The following ZNF571 variants were observed in gnomAD, a reference collection of about 807,000 sequenced individuals.
ZNF571 encodes the protein zinc finger protein 571.
ZNF571 carries 4 observed loss-of-function variants against 7.7 expected under a neutral mutation model. The ratio of observed to expected loss-of-function variants is 0.52; its 90% CI spans 0.25 to 1.18. The LOEUF (loss-of-function observed/expected upper bound fraction) is 1.18, where lower values mean the gene tolerates loss of function less well. ZNF571 is among the 50% of genes most tolerant of loss of function. ZNF571 has a pLI of 0.14. For missense variants in ZNF571, 704 were observed against 726.9 expected (o/e 0.97, Z 0.36); for synonymous variants, 251 against 232.4 (o/e 1.08, Z -0.73).
Position 37,565,404 on chromosome 19 carries a change from T to C in ZNF571, c.1024A>G (p.Lys342Glu). The change falls in exon 4 of 4, where the codon AAA (lysine) becomes GAA (glutamate). Residue 342 changes from lysine to glutamate, a missense_variant. Physicochemically the swap from Lys to Glu is moderately conservative, Grantham distance 56. Coordinates refer to ENST00000451802, the MANE Select transcript of ZNF571 (RefSeq NM_016536.5). Reference protein sequence around the residue: ...EKPYICKECGKAFLCASQLNE... With the variant: ...EKPYICKECGEAFLCASQLNE... Reference sequence around the variant, plus strand: ...AGTTGGGAGGCACATAAAAAGGCTTTCCCACATTCTTTACATATGTAAGGC... The same window carrying C: ...AGTTGGGAGGCACATAAAAAGGCTTCCCCACATTCTTTACATATGTAAGGC... The C allele has an allele frequency of 6.2e-7, 1 of 1,613,808 alleles. No individual in the cohort carries two copies. Among genetic ancestry groups the C allele is most frequent in the South Asian group, 1.1e-5 (1 of 91,046 alleles).
At chr19:37,583,949 A>G (rs2043567202) in intron 3 of ZNF571, 22 bp downstream of exon 3, 2 of 1,577,706 alleles carry the variant, frequency 1.3e-6, no homozygotes, top group Middle Eastern at 1.7e-4. Flanking sequence ...CAAATTCTGA[A>G]TATTACGTAG....
chr19:37,566,209 C>T lies in ZNF571; in HGVS notation c.219G>A (p.Met73Ile), dbSNP rs1360377533. The change falls in exon 4 of 4, where the codon ATG becomes ATA. Residue 73 changes from methionine (M) to isoleucine (I), a missense_variant. Met to Ile is a conservative substitution (Grantham distance 10). Transcript: ENST00000451802. Reference protein sequence around the residue: ...YEMESLQWENMGKRINHHLQY... With the variant: ...YEMESLQWENIGKRINHHLQY... ...GAAGGTGATGGTTGATACGTTTCCCCATATTCTCCCACTGGAGTGATTCCA... is the reference window on the plus strand; with the variant it reads ...GAAGGTGATGGTTGATACGTTTCCCTATATTCTCCCACTGGAGTGATTCCA... 6.2e-7 allele frequency: 1 copy of T among 1,613,948 alleles called. No individual in the cohort carries two copies. Among genetic ancestry groups the T allele is most frequent in the Admixed American group, 1.7e-5 (1 of 60,014 alleles).
In ZNF571 at chr19:37,584,206, G is replaced by GA. The variant is rs535055537; in HGVS notation, c.10-110dup. On this transcript the variant is annotated intron_variant, in intron 2 of 3. Coordinates refer to ENST00000451802, the MANE Select transcript of ZNF571 (RefSeq NM_016536.5). ...GGAAGCAAGTAACACAAAACAACAG[G>GA]AAATTGGTTGCCTAAACAGTAGTAT... 1,385 of 1,525,578 alleles carry GA rather than the reference G, an allele frequency of 9.1e-4. 6 individuals carry two copies. In the African/African-American group the frequency reaches 0.017, roughly 18 times the overall value. 94.5% of individuals were successfully genotyped at this position (1,525,578 alleles called of 1,614,324 possible). A position where few individuals can be genotyped will look rare whatever the true frequency, so the allele number is the denominator to read the frequency against.
rs775951931 is a variant in ZNF571, at chr19:37,565,020, C to A, written c.1408G>T (p.Gly470Cys). The stretch of plus-strand genomic sequence containing the variant: ...TCCTTACATTCATAATGTTTCTCAC[C>A]ATGAATTTTCTCATGTTGAGTAAGA... ...AYLTQHEKIH[G>C]EKHYECKECG... Residue 470 changes from glycine to cysteine, a missense_variant, in exon 4 of 4, where the codon GGT (glycine) becomes TGT (cysteine). Transcript: ENST00000451802. 3 of 1,613,466 alleles carry A rather than the reference C, an allele frequency of 1.9e-6. No homozygotes were observed. The highest frequency in any genetic ancestry group is 2.5e-6 in the Non-Finnish European group (3 of 1,179,738).
chr19:37,581,591 A>C (rs1173955381), intron 3 of ZNF571, among the ~76,000 whole-genome samples: 1 of 151,748 alleles, frequency 6.6e-6, no homozygotes, highest in Non-Finnish European at 1.5e-5. Flanking sequence ...CAGTCTCCCA[A>C]GTAGCTAGGA....
chr19:37,589,200 C>CAAAAAAAAAAAAAAAAAAAA (rs35689698), intron 1 of ZNF571, among the ~76,000 whole-genome samples: 1 of 108,904 alleles, frequency 9.2e-6, no homozygotes, highest in Non-Finnish European at 1.8e-5. Context: ...AACTCCGTCT[C>CAAAAAAAAAAAAAAAAAAAA]AAAAAAAAAA....
chr19:37,582,136 T>C (rs149373528), intron 3 of ZNF571, among the ~76,000 whole-genome samples: 7 of 152,310 alleles, frequency 4.6e-5, no homozygotes, highest in Admixed American at 3.9e-4. Flanking sequence ...CAACAGTGCC[T>C]GGTGAGTTAA....
intron 1 of ZNF571, among the ~76,000 whole-genome samples, chr19:37,592,667 T>C (rs1478445123): frequency 6.6e-6 from 1 of 152,226 alleles, no homozygotes; most frequent in Non-Finnish European, 1.5e-5. Context: ...TGATGTGATG[T>C]AATAGGAAGT....
At chr19:37,583,741 G>T in intron 3 of ZNF571, 1 of 425,028 alleles carries the variant, frequency 2.4e-6, no homozygotes. Flanking sequence ...GGGATTCCCA[G>T]ATTCAAATCT....
intron 3 of ZNF571, 61 bp downstream of exon 3, chr19:37,583,910 A>C: frequency 1.3e-6 from 2 of 1,517,010 alleles, no homozygotes; most frequent in Non-Finnish European, 1.8e-6. Context: ...TCAGAAATTC[A>C]CAATGAATGA....
At chr19:37,578,060 C>G (rs1371796131) in intron 3 of ZNF571, among the ~76,000 whole-genome samples, 1 of 152,150 alleles carries the variant, frequency 6.6e-6, no homozygotes, top group African/African-American at 2.4e-5. Flanking sequence ...CAGGACGGAT[C>G]TAGGTTGCGG....
Position 37,565,169 on chromosome 19 carries a change from T to G in ZNF571, c.1259A>C (p.Lys420Thr), listed in dbSNP as rs1311402395. The G allele has an allele frequency of 1.2e-6, 2 of 1,613,418 alleles. No individual in the cohort carries two copies. Among genetic ancestry groups the G allele is most frequent in the Admixed American group, 3.3e-5 (2 of 59,916 alleles). ...AAAGGCCTTTCCACATTCCTTACAT[T>G]TGTAGGGCTTCTCTCCGGTATGAAT... ...QRIHTGEKPY[K>T]CKECGKAFIC... is the part of the protein sequence containing the mutation. Residue 420 changes from lysine (K) to threonine (T), a missense_variant, in exon 4 of 4, where the codon AAA becomes ACA. Physicochemically the swap from Lys to Thr is moderately conservative, Grantham distance 78. Transcript: ENST00000451802.
Position 37,565,749 on chromosome 19 carries a change from C to G in ZNF571, c.679G>C (p.Ala227Pro), listed in dbSNP as rs115491718. Residue 227 changes from alanine to proline, a missense_variant, in exon 4 of 4, where the codon GCA becomes CCA. Coordinates refer to ENST00000451802, the MANE Select transcript of ZNF571 (RefSeq NM_016536.5). ...CCACGAATAAAAGCTTTCCCACATG[C>G]GTTACACTGATAAGGTTTTTCATTA... is the stretch of plus-strand genomic sequence containing the variant. ...HTNEKPYQCN[A>P]CGKAFIRGSQ... The G allele has an allele frequency of 6.2e-7, 1 of 1,613,760 alleles. No homozygotes were observed. The highest frequency in any genetic ancestry group is 1.1e-5 in the South Asian group (1 of 91,066).
intron 1 of ZNF571, among the ~76,000 whole-genome samples, chr19:37,593,441 C>T (rs1348764044): frequency 6.6e-6 from 1 of 152,180 alleles, no homozygotes; most frequent in African/African-American, 2.4e-5. Context: ...CGGTGGCTCA[C>T]GCCTGTAATC....
intron 3 of ZNF571, chr19:37,575,824 T>C (rs958719591): frequency 5.3e-5 from 8 of 152,302 alleles, no homozygotes; most frequent in South Asian, 2.1e-4. Context: ...GAGCTGAAAT[T>C]GAATAGTCTT....
chr19:37,593,544 A>C (rs2043928878), intron 1 of ZNF571, among the ~76,000 whole-genome samples: 1 of 152,078 alleles, frequency 6.6e-6, no homozygotes, highest in Non-Finnish European at 1.5e-5. Context: ...TCTACTAAAA[A>C]CACAAAAAAT....
chr19:37,574,353 C>T (rs1401483557), intron 3 of ZNF571, among the ~76,000 whole-genome samples: 1 of 152,112 alleles, frequency 6.6e-6, no homozygotes, highest in South Asian at 2.1e-4. Context: ...TCAACTTTAA[C>T]TCAAATCAAC....
In ZNF571 at chr19:37,564,836, T is replaced by G. The variant is rs746857945; in HGVS notation, c.1592A>C (p.Glu531Ala). The G allele has an allele frequency of 6.2e-6, 10 of 1,613,936 alleles. No individual in the cohort carries two copies. The highest frequency in any genetic ancestry group is 8.5e-6 in the Non-Finnish European group (10 of 1,179,962). ...AAAAGCCTTCCCACACTGTTTACAT[T>G]CATAAGGTTTTTCACCTCTGTGAAT... ...QRIHRGEKPY[E>A]CKQCGKAFIR... The change falls in exon 4 of 4, where the codon GAA (glutamate) becomes GCA (alanine). Residue 531 changes from glutamate to alanine, a missense_variant. Coordinates refer to ENST00000451802, the MANE Select transcript of ZNF571 (RefSeq NM_016536.5).
In ZNF571 at chr19:37,592,181, C is replaced by T. The variant is rs1163314592; in HGVS notation, c.-70+2560G>A. 1.3e-5 allele frequency among the ~76,000 whole-genome samples: 2 copies of T among 152,060 alleles called. 1 individual carries two copies. The highest frequency in any genetic ancestry group is 2.9e-5 in the Non-Finnish European group (2 of 68,020). On this transcript the variant is annotated intron_variant, in intron 1 of 3. Coordinates refer to ENST00000451802, the MANE Select transcript of ZNF571 (RefSeq NM_016536.5). ...GTTGAGGCAGAAGAACCTTTTGAAC[C>T]TGGGAGGTGGATGCTGCAGTGAGCT...
Sources: gnomAD v4.1 joint callset for allele counts (sites outside exome capture counted in the v4.1 genomes callset) on GRCh38, gnomAD v4.1.1 for gene constraint, MANE v1.5 for transcripts, NCBI Gene and HGNC (gene_info 2026-07-23, HGNC 2026-07-21) for gene names.